The following GALNT9 variants were observed in gnomAD, a reference collection of about 807,000 sequenced individuals.
GALNT9 encodes the protein polypeptide N-acetylgalactosaminyltransferase 9, also known as GalNAc transferase 9.
GALNT9 carries 47 observed loss-of-function variants against 63.1 expected under a neutral mutation model. That is an observed-to-expected ratio of 0.75 (90% CI 0.59 to 0.95). GALNT9 has a LOEUF of 0.95. Ranked by LOEUF, GALNT9 falls within the 40% of genes least tolerant of loss-of-function variation. The pLI, the probability that GALNT9 is intolerant of heterozygous loss-of-function variation, is 0.00. For missense variants in GALNT9, 829 were observed against 874.8 expected, an observed-to-expected ratio of 0.95 and a Z score of 0.66; for synonymous variants, 396 against 365.7, an observed-to-expected ratio of 1.08 and a Z score of -0.94.
chr12:132,292,747 G>T (rs1880908857), intron 1 of GALNT9, among the ~76,000 whole-genome samples: 1 of 152,236 alleles, frequency 6.6e-6, no homozygotes, highest in African/African-American at 2.4e-5. Context: ...CTGAGGGAGT[G>T]GGTGTGAGTC....
chr12:132,305,622 CG>C (rs1328397758), intron 1 of GALNT9, among the ~76,000 whole-genome samples: 1 of 146,368 alleles, frequency 6.8e-6, no homozygotes, highest in African/African-American at 2.6e-5. Context: ...CACCCTCACC[CG>C]GGCACACCCT....
intron 5 of GALNT9, among the ~76,000 whole-genome samples, chr12:132,250,217 G>A (rs1017333099): frequency 5.3e-5 from 8 of 152,098 alleles, no homozygotes; most frequent in South Asian, 2.1e-4. Context: ...GACTCCGTCC[G>A]CATGCAAGGA....
intron 1 of GALNT9, among the ~76,000 whole-genome samples, chr12:132,300,786 C>T (rs1484348276): frequency 4.6e-5 from 7 of 151,908 alleles, no homozygotes; most frequent in Admixed American, 2.0e-4. Context: ...TAACCCACTC[C>T]CACCACACCT....
At chr12:132,267,723 C>T (rs893333357) in intron 2 of GALNT9, among the ~76,000 whole-genome samples, 8 of 142,520 alleles carry the variant, frequency 5.6e-5, no homozygotes, top group African/African-American at 9.0e-5. Flanking sequence ...AATACTGCTT[C>T]GGAAAATGGG....
At chr12:132,228,574 A>C (rs1186012904) in intron 6 of GALNT9, among the ~76,000 whole-genome samples, 3 of 150,930 alleles carry the variant, frequency 2.0e-5, no homozygotes, top group Non-Finnish European at 4.4e-5. Context: ...TGATGAACCC[A>C]CCCCCTTGGA....
At position 132,286,725 on chromosome 12, in the gene GALNT9, A is replaced by G. The variant is rs1880610033; in HGVS notation, c.239-295T>C. Among the ~76,000 whole-genome samples, 1 of 151,990 alleles carries G rather than the reference A, an allele frequency of 6.6e-6. No homozygotes were observed. The highest frequency in any genetic ancestry group is 2.4e-5 in the African/African-American group (1 of 41,352). The stretch of plus-strand genomic sequence containing the variant: ...TGGTGGATATCTGTTATTATTATGT[A>G]TTTTTTGATTCAGGGTCTTGCTCTG... On this transcript the variant is annotated intron_variant, in intron 1 of 10. Transcript: ENST00000328957. This position sits in a 1 kb window ranked among gnomAD's most constrained non-coding sequence, Gnocchi z 7.4.
chr12:132,304,483 A>G (rs1250755043), intron 1 of GALNT9, among the ~76,000 whole-genome samples: 1 of 45,840 alleles, frequency 2.2e-5, no homozygotes, highest in Non-Finnish European at 3.7e-5. Flanking sequence ...GCACACGCTC[A>G]CCCAGACACA....
chr12:132,229,410 C>T (rs1020889993), intron 6 of GALNT9, among the ~76,000 whole-genome samples: 5 of 152,234 alleles, frequency 3.3e-5, no homozygotes, highest in African/African-American at 9.6e-5. Flanking sequence ...ATGAATAACT[C>T]GCTTCCCTTT....
chr12:132,264,660 G>C (rs1879532158), intron 2 of GALNT9, among the ~76,000 whole-genome samples: 1 of 152,206 alleles, frequency 6.6e-6, no homozygotes, highest in Admixed American at 6.5e-5. Flanking sequence ...GGACACGCAG[G>C]AAAAGCATCC....
intron 2 of GALNT9, chr12:132,274,768 C>G (rs1157770617): frequency 6.6e-6 from 1 of 152,372 alleles, no homozygotes; most frequent in Non-Finnish European, 1.5e-5. Context: ...ACCACACACA[C>G]ATGCACACAT....
At chr12:132,267,725 G>GA (rs1879656657) in intron 2 of GALNT9, among the ~76,000 whole-genome samples, 1 of 142,812 alleles carries the variant, frequency 7.0e-6, no homozygotes. Context: ...TACTGCTTCG[G>GA]AAAATGGGGA....
chr12:132,200,432 T>G (rs767689104), intron 8 of GALNT9: 1 of 152,212 alleles, frequency 6.6e-6, no homozygotes, highest in Non-Finnish European at 1.5e-5. Flanking sequence ...TGTGCATCTG[T>G]GGGGGCACCT....
At chr12:132,200,885 T>C in intron 8 of GALNT9, 2 of 523,902 alleles carry the variant, frequency 3.8e-6, no homozygotes, top group Non-Finnish European at 3.4e-6. Context: ...TGCAGGTGCG[T>C]GTGTTTATGT....
chr12:132,271,326 C>T (rs1252114775), intron 2 of GALNT9, among the ~76,000 whole-genome samples: 1 of 152,134 alleles, frequency 6.6e-6, no homozygotes, highest in Non-Finnish European at 1.5e-5. Flanking sequence ...TGCCACGCCC[C>T]GCCCGGCTCC....
chr12:132,237,545 C>T (rs2136895439), intron 6 of GALNT9, among the ~76,000 whole-genome samples: 3 of 152,088 alleles, frequency 2.0e-5, no homozygotes, highest in African/African-American at 7.2e-5. Context: ...CTACCTACGC[C>T]TACTCACAAC....
intron 1 of GALNT9, among the ~76,000 whole-genome samples, chr12:132,304,433 TCGCCCGGGC>T: frequency 1.9e-5 from 1 of 52,392 alleles, no homozygotes; most frequent in Non-Finnish European, 3.8e-5. Flanking sequence ...GGGCACAGCC[TCGCCCGGGC>T]ACACCCTCGC....
intron 1 of GALNT9, among the ~76,000 whole-genome samples, chr12:132,307,866 A>C (rs1305406645): frequency 6.7e-6 from 1 of 148,686 alleles, no homozygotes; most frequent in Non-Finnish European, 1.5e-5. Context: ...CACAAAAAAC[A>C]AGTGTCTTAT....
At chr12:132,223,183 CAA>C (rs1877540519) in intron 6 of GALNT9, among the ~76,000 whole-genome samples, 1 of 109,864 alleles carries the variant, frequency 9.1e-6, no homozygotes, top group South Asian at 3.2e-4. Context: ...ACACCGCACA[CAA>C]CCCACACCCC....
At chr12:132,220,252 G>A (rs1326250175) in intron 6 of GALNT9, among the ~76,000 whole-genome samples, 1 of 152,110 alleles carries the variant, frequency 6.6e-6, no homozygotes, top group African/African-American at 2.4e-5. Context: ...GCAATACCCT[G>A]ATAAATAAAT....
Sources: gnomAD v4.1 joint callset for allele counts (sites outside exome capture counted in the v4.1 genomes callset) on GRCh38, gnomAD v4.1.1 for gene constraint, Gnocchi (gnomAD v3.1) non-coding constraint, MANE v1.5 for transcripts, NCBI Gene and HGNC (gene_info 2026-07-23, HGNC 2026-07-21) for gene names.